Variants in GNRH1 observed in about 807,000 individuals in gnomAD.
GNRH1 encodes the protein gonadotropin releasing hormone 1.
In GNRH1, 9 loss-of-function variants were observed where a neutral mutation model predicts 13.6. That is an observed-to-expected ratio of 0.66 (90% confidence interval 0.40 to 1.15). GNRH1 has a LOEUF of 1.15. Ranked by LOEUF, GNRH1 falls within the 50% of genes most tolerant of loss-of-function variation. The pLI is 0.01. For synonymous variants in GNRH1, 44 were observed against 40.1 expected (o/e 1.10, Z -0.37); for missense variants, 116 against 110.8 (o/e 1.05, Z -0.21).
intron 3 of GNRH1, among the ~76,000 whole-genome samples, chr8:25,420,217 C>T (rs1382474775): frequency 2.0e-5 from 3 of 151,540 alleles, no homozygotes; most frequent in Non-Finnish European, 4.4e-5. Flanking sequence ...GGATTGAGAC[C>T]ATCCTGGCCA....
At position 25,421,549 on chromosome 8, in the gene GNRH1, C is replaced by A. The variant is rs1030390004; in HGVS notation, c.237+24G>T. 3.3e-6 allele frequency: 4 copies of A among 1,217,652 alleles called. No individual in the cohort carries two copies. The South Asian group carries it at 4.9e-5, about 15-fold the overall frequency. The allele number at this position is 1,217,652 out of a possible 1,614,324, so 75.4% of individuals were successfully genotyped here. On this transcript the variant is annotated intron_variant, in intron 3 of 3. Coordinates refer to ENST00000421054, the MANE Select transcript of GNRH1 (RefSeq NM_001083111.2). Reference sequence around the variant, plus strand: ...CACCTCTAGAGCTCTATGCTGTGATCATGTTATGATCACTTTAACTTACCA... The same window carrying A: ...CACCTCTAGAGCTCTATGCTGTGATAATGTTATGATCACTTTAACTTACCA...
At chr8:25,420,529 A>AC (rs1238835758) in intron 3 of GNRH1, among the ~76,000 whole-genome samples, 1 of 152,200 alleles carries the variant, frequency 6.6e-6, no homozygotes, top group Non-Finnish European at 1.5e-5. Context: ...CCTAGGCATA[A>AC]CTGATCATTA....
chr8:25,419,904 G>A (rs1052532656), intron 3 of GNRH1, among the ~76,000 whole-genome samples: 5 of 152,112 alleles, frequency 3.3e-5, no homozygotes, highest in African/African-American at 9.7e-5. Flanking sequence ...TTACAGGCAT[G>A]AGCCACTGTG....
chr8:25,419,629 T>C (rs1334102996), intron 3 of GNRH1, among the ~76,000 whole-genome samples, 169 bp from the exon 4 acceptor site: 1 of 151,940 alleles, frequency 6.6e-6, no homozygotes, highest in Non-Finnish European at 1.5e-5. Flanking sequence ...TTTCTGGTTT[T>C]TTTTTTTTTT....
chr8:25,419,561 G>A (rs1476421110), intron 3 of GNRH1, 101 bp from the exon 4 acceptor site: 3 of 754,408 alleles, frequency 4.0e-6, no homozygotes, highest in East Asian at 2.5e-5. Context: ...GAAGGAATTG[G>A]TCTGTTTGAT....
chr8:25,421,145 A>G (rs1801767146), intron 3 of GNRH1, among the ~76,000 whole-genome samples: 1 of 152,152 alleles, frequency 6.6e-6, no homozygotes, highest in African/African-American at 2.4e-5. Context: ...CTATTCCCCA[A>G]GGTTCTGGAA....
chr8:25,419,524 C>T, intron 3 of GNRH1, 64 bp from the exon 4 acceptor site: 1 of 864,670 alleles, frequency 1.2e-6, no homozygotes, highest in Non-Finnish European at 2.0e-6. Context: ...TACATTTTGA[C>T]ATTTTAATTT....
intron 2 of GNRH1, among the ~76,000 whole-genome samples, chr8:25,422,831 A>G (rs76546836): frequency 1.3e-5 from 2 of 150,716 alleles, no homozygotes; most frequent in East Asian, 1.9e-4. Flanking sequence ...TGAAATGAGG[A>G]AAAAAAAAAC....
intron 3 of GNRH1, among the ~76,000 whole-genome samples, chr8:25,420,627 G>A (rs1163586937): frequency 6.6e-6 from 1 of 152,102 alleles, no homozygotes; most frequent in East Asian, 1.9e-4. Flanking sequence ...CTTAAGTCAG[G>A]CACAGTGGCT....
intron 2 of GNRH1, 70 bp downstream of exon 2, chr8:25,423,120 T>A: frequency 9.0e-7 from 1 of 1,114,536 alleles, no homozygotes; most frequent in Non-Finnish European, 1.4e-6. Context: ...ATTGGGGCTA[T>A]CCTGAATGTT....
chr8:25,423,475 G>A (rs916160742), intron 1 of GNRH1, 144 bp from the exon 2 acceptor site: 14 of 707,578 alleles, frequency 2.0e-5, no homozygotes, highest in Non-Finnish European at 3.2e-5. Context: ...TACAGACACT[G>A]AAACTCAGAG....
chr8:25,421,431 C>T (rs577945203), intron 3 of GNRH1, 142 bp downstream of exon 3: 12 of 565,122 alleles, frequency 2.1e-5, no homozygotes, highest in South Asian at 1.7e-4. Flanking sequence ...TCATGAAACA[C>T]GGTCCTACCA....
intron 3 of GNRH1, among the ~76,000 whole-genome samples, chr8:25,420,112 G>A (rs1801751382): frequency 6.6e-6 from 1 of 152,098 alleles, no homozygotes; most frequent in African/African-American, 2.4e-5. Flanking sequence ...CAGTAAGCAA[G>A]ATTAGAAAAA....
At chr8:25,421,020 T>C (rs889717735) in intron 3 of GNRH1, among the ~76,000 whole-genome samples, 2 of 152,138 alleles carry the variant, frequency 1.3e-5, no homozygotes, top group African/African-American at 2.4e-5. Context: ...TATTGTCCTA[T>C]CAGGAAACTG....
Position 25,423,230 on chromosome 8 carries a change from C to G in GNRH1, c.101G>C (p.Gly34Ala). Residue 34 changes from glycine (G) to alanine (A), a missense_variant, in exon 2 of 4, where the codon GGA becomes GCA. Gly to Ala is a moderately conservative substitution (Grantham distance 60). Coordinates refer to ENST00000421054, the MANE Select transcript of GNRH1 (RefSeq NM_001083111.2). The stretch of plus-strand genomic sequence containing the variant: ...AATCAAATTTTCGGCATCTCTCTTT[C>G]CTCCAGGGCGCAGTCCATAGGACCA... The part of the protein sequence containing the change: ...QHWSYGLRPG[G>A]KRDAENLIDS... The G allele has an allele frequency of 1.2e-6, 2 of 1,613,066 alleles. No individual in the cohort carries two copies. Among genetic ancestry groups the G allele is most frequent in the Non-Finnish European group, 1.7e-6 (2 of 1,179,052 alleles).
chr8:25,420,136 C>T (rs1186841313), intron 3 of GNRH1, among the ~76,000 whole-genome samples: 3 of 152,138 alleles, frequency 2.0e-5, no homozygotes, highest in African/African-American at 7.2e-5. Context: ...AGGAAATAGG[C>T]TGGGCGTGGT....
In GNRH1 at chr8:25,424,235, C is replaced by T. The variant is rs141194668; in HGVS notation, c.-36G>A. On this transcript the variant is annotated 5_prime_UTR_variant, in exon 1 of 4. Coordinates refer to ENST00000421054, the MANE Select transcript of GNRH1 (RefSeq NM_001083111.2). ...GGCAGAGAGCCAAAAAGATCCCAAT[C>T]TTCCCTTGAAGTAGGTTGAGTACTG... The T allele has an allele frequency of 1.3e-5, 2 of 152,308 alleles. No individual in the cohort carries two copies. Among genetic ancestry groups the T allele is most frequent in the African/African-American group, 4.8e-5 (2 of 41,576 alleles). The allele number at this position is 152,308 out of a possible 1,614,324, so 9.4% of individuals were successfully genotyped here. A position where few individuals can be genotyped will look rare whatever the true frequency, so the allele number is the denominator to read the frequency against.
intron 2 of GNRH1, 108 bp from the exon 3 acceptor site, chr8:25,421,776 T>TGGGGGGTG: frequency 6.9e-6 from 1 of 143,926 alleles, no homozygotes; most frequent in South Asian, 4.6e-5. Context: ...GATGTGGGGC[T>TGGGGGGTG]GGGGGAGATT....
In GNRH1 at chr8:25,424,209, A is replaced by T. The variant is rs1801813143; in HGVS notation, c.-10T>A. The T allele has an allele frequency of 1.3e-5, 2 of 152,246 alleles. No homozygotes were observed. The highest frequency in any genetic ancestry group is 2.9e-5 in the Non-Finnish European group (2 of 68,046). 9.4% of individuals were successfully genotyped at this position (152,246 alleles called of 1,614,324 possible). A position where few individuals can be genotyped will look rare whatever the true frequency, so the allele number is the denominator to read the frequency against. On this transcript the variant is annotated 5_prime_UTR_variant, in exon 1 of 4. Coordinates refer to ENST00000421054, the MANE Select transcript of GNRH1 (RefSeq NM_001083111.2). ...AATACAAAGCCTTTTACCTGTTTAG[A>T]GGCAGAGAGCCAAAAAGATCCCAAT...
Sources: allele counts gnomAD v4.1 joint callset (sites outside exome capture counted in the v4.1 genomes callset), GRCh38; gene constraint gnomAD v4.1.1; transcripts MANE v1.5; gene names NCBI Gene and HGNC (gene_info 2026-07-23, HGNC 2026-07-21).